SLC24A2: variants seen among roughly 807,000 people sequenced by gnomAD.
SLC24A2 encodes the protein solute carrier family 24 member 2.
A neutral mutation model predicts 62.0 loss-of-function variants in SLC24A2; 36 were observed. The observed-to-expected ratio is 0.58, with a 90% CI of 0.44 to 0.77. SLC24A2 has a LOEUF of 0.77. Among genes scored for constraint, SLC24A2 ranks in the 30% least tolerant of loss-of-function variants. The pLI is 0.00. For missense variants in SLC24A2, 846 were observed against 817.9 expected, an observed-to-expected ratio of 1.03 and a Z score of -0.42; for synonymous variants, 358 against 294.0, an observed-to-expected ratio of 1.22 and a Z score of -2.23.
At chr9:20,239,307 T>C in the SLC24A2 span, among the ~76,000 whole-genome samples, 1 of 152,266 alleles carries the variant, frequency 6.6e-6, no homozygotes, top group Non-Finnish European at 1.5e-5. Context: ...GACATTATAA[T>C]AAAATTTTAT....
At chr9:20,231,609 G>A in the SLC24A2 span, among the ~76,000 whole-genome samples, 1 of 152,222 alleles carries the variant, frequency 6.6e-6, no homozygotes, top group African/African-American at 2.4e-5. Context: ...TGCTGAAGTT[G>A]CTTATCAGCT....
the SLC24A2 span, among the ~76,000 whole-genome samples, chr9:20,272,410 C>A: frequency 6.6e-6 from 1 of 152,142 alleles, no homozygotes; most frequent in African/African-American, 2.4e-5. Flanking sequence ...ATGTTTAGCT[C>A]AGCCTCCCTA....
intron 2 of SLC24A2, among the ~76,000 whole-genome samples, chr9:19,673,434 T>C (rs1819473946): frequency 9.8e-6 from 1 of 102,236 alleles, no homozygotes; most frequent in African/African-American, 5.2e-5. Context: ...TGTGTGTGTA[T>C]GTGTGTGTGC....
the SLC24A2 span, among the ~76,000 whole-genome samples, chr9:20,076,740 A>C: frequency 1.3e-5 from 2 of 152,038 alleles, no homozygotes; most frequent in East Asian, 3.9e-4. Flanking sequence ...AGATGGAGAA[A>C]AGTGCCAAAA....
the SLC24A2 span, among the ~76,000 whole-genome samples, chr9:20,009,436 T>C: frequency 2.1e-5 from 3 of 144,132 alleles, no homozygotes; most frequent in South Asian, 2.4e-4. Context: ...ACAGCAACCA[T>C]CACACAAATC....
chr9:19,972,197 TAGAA>T, the SLC24A2 span, among the ~76,000 whole-genome samples: 3 of 151,560 alleles, frequency 2.0e-5, no homozygotes, highest in African/African-American at 7.3e-5. Flanking sequence ...AGGAAGGGAA[TAGAA>T]AGAGAGAGAG....
At chr9:19,708,480 C>A (rs13286017) in intron 2 of SLC24A2, among the ~76,000 whole-genome samples, 1 of 151,988 alleles carries the variant, frequency 6.6e-6, no homozygotes, top group Admixed American at 6.6e-5. Context: ...AAAGCTGGAG[C>A]CATCACGCTA....
At chr9:19,590,518 C>T (rs1836519696) in intron 5 of SLC24A2, among the ~76,000 whole-genome samples, 1 of 152,136 alleles carries the variant, frequency 6.6e-6, no homozygotes, top group African/African-American at 2.4e-5. Context: ...TTCCTCCCTC[C>T]TTGGGAGTAC....
the SLC24A2 span, among the ~76,000 whole-genome samples, chr9:20,056,385 G>T: frequency 2.8e-4 from 42 of 152,254 alleles, no homozygotes; most frequent in East Asian, 6.2e-3. Flanking sequence ...GTTAGACAAG[G>T]ATGTGGGATG....
chr9:19,536,252 C>T (rs1472439031), intron 8 of SLC24A2, among the ~76,000 whole-genome samples: 2 of 148,498 alleles, frequency 1.3e-5, no homozygotes, highest in African/African-American at 5.0e-5. Flanking sequence ...GCACATTGTG[C>T]AGGTTAGTTA....
chr9:20,159,585 T>C, the SLC24A2 span, among the ~76,000 whole-genome samples: 9 of 151,534 alleles, frequency 5.9e-5, no homozygotes, highest in African/African-American at 1.9e-4. Flanking sequence ...GCAGAAAGAA[T>C]GTTATTCCCC....
the SLC24A2 span, among the ~76,000 whole-genome samples, chr9:19,972,643 T>C: frequency 6.6e-6 from 1 of 152,170 alleles, no homozygotes; most frequent in Non-Finnish European, 1.5e-5. Flanking sequence ...TTTCTGCTTG[T>C]TGAATCTAAT....
chr9:19,972,861 C>G, the SLC24A2 span, among the ~76,000 whole-genome samples: 1 of 152,158 alleles, frequency 6.6e-6, no homozygotes, highest in Non-Finnish European at 1.5e-5. Flanking sequence ...AGAAGAGCAG[C>G]AGGACTCAAA....
At chr9:19,858,928 A>G in the SLC24A2 span, among the ~76,000 whole-genome samples, 1 of 152,262 alleles carries the variant, frequency 6.6e-6, no homozygotes, top group East Asian at 1.9e-4. Flanking sequence ...GCAATTGTGG[A>G]TATCAGTGTG....
chr9:19,895,294 G>A, the SLC24A2 span, among the ~76,000 whole-genome samples: 2 of 149,938 alleles, frequency 1.3e-5, no homozygotes, highest in African/African-American at 4.9e-5. Context: ...ACATCAAACT[G>A]CAGACAAATA....
chr9:19,865,706 G>T, the SLC24A2 span, among the ~76,000 whole-genome samples: 2 of 152,078 alleles, frequency 1.3e-5, no homozygotes, highest in African/African-American at 4.8e-5. Context: ...AAATAAAAAT[G>T]GTTTAGACTT....
At chr9:20,279,561 C>T in the SLC24A2 span, among the ~76,000 whole-genome samples, 17 of 152,070 alleles carry the variant, frequency 1.1e-4, no homozygotes, top group Non-Finnish European at 2.5e-4. Context: ...AAAATAAAGG[C>T]TATTTTTTAA....
chr9:20,298,382 C>T, the SLC24A2 span, among the ~76,000 whole-genome samples: 1 of 152,206 alleles, frequency 6.6e-6, no homozygotes, highest in African/African-American at 2.4e-5. Flanking sequence ...GCACGCGCCA[C>T]CATGCCCAGC....
the SLC24A2 span, among the ~76,000 whole-genome samples, chr9:20,180,860 T>C: frequency 6.6e-6 from 1 of 152,182 alleles, no homozygotes; most frequent in Non-Finnish European, 1.5e-5. Context: ...TGTAATAGCA[T>C]AGCTTGCCAC....
Sources: gnomAD v4.1 joint callset for allele counts (sites outside exome capture counted in the v4.1 genomes callset) on GRCh38, gnomAD v4.1.1 for gene constraint, MANE v1.5 for transcripts, NCBI Gene and HGNC (gene_info 2026-07-23, HGNC 2026-07-21) for gene names.